The following MAU2 variants were observed in gnomAD, a reference collection of about 807,000 sequenced individuals.
MAU2 encodes the protein MAU2 chromatid cohesion factor homolog.
Under a neutral mutation model 89.1 loss-of-function variants are expected in MAU2, and 9 were observed. The ratio of observed to expected loss-of-function variants is 0.10; its 90% CI spans 0.06 to 0.18. MAU2 has a LOEUF of 0.18. MAU2 is among the 10% of genes least tolerant of loss of function. The probability of loss-of-function intolerance (pLI) is 1.00; values close to 1 mark genes in which losing one functional copy is unlikely to be tolerated. For missense variants in MAU2, 425 were observed against 803.5 expected, an observed-to-expected ratio of 0.53 and a Z score of 5.69; for synonymous variants, 357 against 343.4, an observed-to-expected ratio of 1.04 and a Z score of -0.44.
At chr19:19,343,974 A>G in intron 10 of MAU2, 34 bp downstream of exon 10, 3 of 1,568,766 alleles carry the variant, frequency 1.9e-6, no homozygotes, top group Middle Eastern at 1.7e-4. Flanking sequence ...GGGAAGGCCC[A>G]GGAGTTTGTT....
chr19:19,352,002 T>C, intron 16 of MAU2, among the ~76,000 whole-genome samples: 1 of 151,714 alleles, frequency 6.6e-6, no homozygotes, highest in East Asian at 1.9e-4. Context: ...TCGAGCACCA[T>C]CACACCTGGC....
chr19:19,323,582 C>T (rs895981103), intron 1 of MAU2, among the ~76,000 whole-genome samples: 30 of 152,174 alleles, frequency 2.0e-4, no homozygotes, highest in Non-Finnish European at 1.0e-4. Flanking sequence ...TCTCAGCTCA[C>T]TGCAGCCTTG....
chr19:19,347,054 C>A (rs777700408), intron 12 of MAU2: 1 of 520,260 alleles, frequency 1.9e-6, no homozygotes, highest in Non-Finnish European at 3.4e-6. Flanking sequence ...GCTGGTTTTC[C>A]TCTTCTGTGT....
intron 13 of MAU2, 22 bp downstream of exon 13, chr19:19,347,388 C>T (rs762334563): frequency 1.1e-5 from 17 of 1,569,922 alleles, no homozygotes; most frequent in East Asian, 9.0e-5. Context: ...GCTTCATGTT[C>T]GGTATCCTTT....
chr19:19,322,925 T>C (rs1343410859), intron 1 of MAU2, among the ~76,000 whole-genome samples: 1 of 152,082 alleles, frequency 6.6e-6, no homozygotes, highest in Non-Finnish European at 1.5e-5. Context: ...AGTTTCGCTC[T>C]TGTTGCCGGG....
chr19:19,355,814 C>T lies in MAU2; in HGVS notation c.*32C>T, dbSNP rs1357654944. On this transcript the variant is annotated 3_prime_UTR_variant, in exon 19 of 19. Transcript: ENST00000262815. ...GATGGGGCCATCCAGCTCCGCAGGGCCTGCGCGTCTCCGGCTTCCACCCAG... is the reference window on the plus strand; with the variant it reads ...GATGGGGCCATCCAGCTCCGCAGGGTCTGCGCGTCTCCGGCTTCCACCCAG... 3.2e-6 allele frequency: 5 copies of T among 1,585,048 alleles called. No homozygotes were observed. Among genetic ancestry groups the T allele is most frequent in the Non-Finnish European group, 4.3e-6 (5 of 1,164,960 alleles).
intron 3 of MAU2, 28 bp downstream of exon 3, chr19:19,336,215 C>CA: frequency 6.6e-7 from 1 of 1,521,188 alleles, no homozygotes; most frequent in African/African-American, 1.4e-5. Context: ...TTTCTGAAAG[C>CA]AAAGTGTCTC....
intron 1 of MAU2, among the ~76,000 whole-genome samples, chr19:19,327,796 C>T (rs1275583668): frequency 6.6e-6 from 1 of 152,072 alleles, no homozygotes; most frequent in East Asian, 1.9e-4. Flanking sequence ...GATTCTGGAG[C>T]TGTTACAGTG....
At position 19,332,677 on chromosome 19, in the gene MAU2, C is replaced by T. The variant is rs2061565488; in HGVS notation, c.277-3041C>T. On this transcript the variant is annotated intron_variant, in intron 1 of 18. Coordinates refer to ENST00000262815, the MANE Select transcript of MAU2 (RefSeq NM_015329.4). ...CTCACCAGTGCTCACTGAGAGCCTC[C>T]CCTTCCTCAGGGGAGATGGGATCCT... 2.0e-5 allele frequency among the ~76,000 whole-genome samples: 3 copies of T among 152,150 alleles called. No homozygotes were observed. In the South Asian group the frequency reaches 6.2e-4, roughly 32 times the overall value.
chr19:19,349,077 C>T lies in MAU2; in HGVS notation c.1359-78C>T, dbSNP rs1394898224. ...CTGCAGTGGGGGCTCTCAGAAATAGCCCCCAGCTGCCCACTGCCGTTTTGT... is the reference window on the plus strand; with the variant it reads ...CTGCAGTGGGGGCTCTCAGAAATAGTCCCCAGCTGCCCACTGCCGTTTTGT... On this transcript the variant is annotated intron_variant, in intron 14 of 18. Transcript: ENST00000262815. 16 of 1,568,750 alleles carry T rather than the reference C, an allele frequency of 1.0e-5. No individual in the cohort carries two copies. In the African/African-American group the frequency reaches 1.4e-4, roughly 13 times the overall value.
At chr19:19,348,090 G>T in intron 13 of MAU2, 1 of 154,084 alleles carries the variant, frequency 6.5e-6, no homozygotes, top group Non-Finnish European at 1.4e-5. Flanking sequence ...TATCAGGCCA[G>T]GTGCTTGGCT....
At position 19,355,817 on chromosome 19, in the gene MAU2, G is replaced by C. The variant is rs755887862; in HGVS notation, c.*35G>C. The C allele has an allele frequency of 1.3e-5, 20 of 1,580,078 alleles. No individual in the cohort carries two copies. The highest frequency in any genetic ancestry group is 1.6e-5 in the Non-Finnish European group (19 of 1,161,308). On this transcript the variant is annotated 3_prime_UTR_variant, in exon 19 of 19. Transcript: ENST00000262815. ...GGGGCCATCCAGCTCCGCAGGGCCT[G>C]CGCGTCTCCGGCTTCCACCCAGACG...
intron 9 of MAU2, among the ~76,000 whole-genome samples, chr19:19,343,226 C>T (rs1314238709): frequency 6.6e-6 from 1 of 152,198 alleles, no homozygotes; most frequent in Non-Finnish European, 1.5e-5. Flanking sequence ...CTTTGGAGGT[C>T]GTGAGTTCTT....
chr19:19,343,797 T>G (rs770387768), intron 9 of MAU2, 40 bp from the exon 10 acceptor site: 13 of 1,507,610 alleles, frequency 8.6e-6, no homozygotes, highest in Non-Finnish European at 1.0e-5. Context: ...GCGCCTCCTC[T>G]GGCCTCCCCT....
At chr19:19,343,580 G>T (rs74441484) in intron 9 of MAU2, among the ~76,000 whole-genome samples, 1 of 152,018 alleles carries the variant, frequency 6.6e-6, no homozygotes, top group Non-Finnish European at 1.5e-5. Context: ...TCTTGAGCAC[G>T]TAGGGTGAGG....
At position 19,322,293 on chromosome 19, in the gene MAU2, C is replaced by T. The variant is rs193137023; in HGVS notation, c.276+1158C>T. ...GATTACAGGCTTGAGCCACCGCGCC[C>T]GGCCCCTTTAATAAACTTTCTAGGG... On this transcript the variant is annotated intron_variant, in intron 1 of 18. Coordinates refer to ENST00000262815, the MANE Select transcript of MAU2 (RefSeq NM_015329.4). 5.9e-5 allele frequency among the ~76,000 whole-genome samples: 9 copies of T among 152,264 alleles called. No homozygotes were observed. The East Asian group carries it at 7.7e-4, about 13-fold the overall frequency.
intron 1 of MAU2, among the ~76,000 whole-genome samples, chr19:19,334,004 C>T (rs1439130809): frequency 3.3e-5 from 5 of 152,336 alleles, no homozygotes; most frequent in Non-Finnish European, 7.4e-5. Context: ...GCTCCTCTGT[C>T]ACAGTCCCCT....
In MAU2 at chr19:19,320,946, T is replaced by C. The variant is rs1360912895; in HGVS notation, c.87T>C (p.Leu29=). 6.3e-7 allele frequency: 1 copy of C among 1,584,212 alleles called. No homozygotes were observed. The highest frequency in any genetic ancestry group is 8.6e-7 in the Non-Finnish European group (1 of 1,165,758). The part of the protein sequence containing the change: ...AEAADSWYLA[L]LGFAEHFRTS... Reference sequence around the variant, plus strand: ...CGGCCGACTCGTGGTACCTGGCGCTTCTGGGCTTCGCTGAGCACTTCCGCA... The same window carrying C: ...CGGCCGACTCGTGGTACCTGGCGCTCCTGGGCTTCGCTGAGCACTTCCGCA... Residue 29 remains leucine, a synonymous_variant, in exon 1 of 19, where the codon CTT becomes CTC. Coordinates refer to ENST00000262815, the MANE Select transcript of MAU2 (RefSeq NM_015329.4).
In MAU2 at chr19:19,342,685, C is replaced by T. The variant is rs780639830; in HGVS notation, c.882+4C>T. ...CATGTGTGTGCTTGTCTACCTGGTG[C>T]GTCCCCACCAGGGCCCGGGCCAGGG... is the stretch of plus-strand genomic sequence containing the variant. On this transcript the variant is annotated splice_donor_region_variant and intron_variant, in intron 8 of 18. Coordinates refer to ENST00000262815, the MANE Select transcript of MAU2 (RefSeq NM_015329.4). 8 of 1,612,906 alleles carry T rather than the reference C, an allele frequency of 5.0e-6. No individual in the cohort carries two copies. The highest frequency in any genetic ancestry group is 5.9e-6 in the Non-Finnish European group (7 of 1,179,470).
Sources: gnomAD v4.1 joint callset for allele counts (sites outside exome capture counted in the v4.1 genomes callset) on GRCh38, gnomAD v4.1.1 for gene constraint, MANE v1.5 for transcripts, NCBI Gene and HGNC (gene_info 2026-07-23, HGNC 2026-07-21) for gene names.